VPS8: variants seen among roughly 807,000 people sequenced by gnomAD.
VPS8 encodes VPS8 subunit of CORVET complex, also known as vacuolar protein sorting-associated protein 8 homolog.
A neutral mutation model predicts 216.4 loss-of-function variants in VPS8; 129 were observed. The observed-to-expected ratio is 0.60, with a 90% confidence interval of 0.52 to 0.69. The LOEUF is 0.69. Among genes scored for constraint, VPS8 ranks in the 30% least tolerant of loss-of-function variants. The pLI is 0.00. For synonymous variants in VPS8, 571 were observed against 565.4 expected (o/e 1.01, Z -0.14); for missense variants, 1,531 against 1,683.5 (o/e 0.91, Z 1.59).
rs375561318 is a variant in VPS8, at chr3:184,886,095, A to G, written c.1735-15A>G. ...GGGTTGTGGGGCTGATGCTTTCTTT[A>G]TGGTTCCTCTACAGGATATGGTGCC... On this transcript the variant is annotated splice_polypyrimidine_tract_variant and intron_variant, in intron 21 of 47. Coordinates refer to ENST00000625842, the MANE Select transcript of VPS8 (RefSeq NM_001009921.3). 4 of 1,606,100 alleles carry G rather than the reference A, an allele frequency of 2.5e-6. No homozygotes were observed. The African/African-American group carries it at 5.3e-5, about 21-fold the overall frequency.
intron 10 of VPS8, among the ~76,000 whole-genome samples, chr3:184,850,538 C>T (rs906429210): frequency 1.3e-5 from 2 of 152,098 alleles, no homozygotes; most frequent in Non-Finnish European, 2.9e-5. Context: ...TCTTTCAGGC[C>T]TCTAAAGGGA....
At chr3:184,928,839 G>T (rs1740162568) in intron 32 of VPS8, among the ~76,000 whole-genome samples, 1 of 151,816 alleles carries the variant, frequency 6.6e-6, no homozygotes, top group Non-Finnish European at 1.5e-5. Context: ...ATAAATTGTT[G>T]ATGGTTATCT....
intron 46 of VPS8, among the ~76,000 whole-genome samples, chr3:185,037,067 T>TC (rs961961006): frequency 6.8e-6 from 1 of 147,272 alleles, no homozygotes; most frequent in African/African-American, 2.5e-5. Flanking sequence ...TGCAGTTCCT[T>TC]TTTTTTTTTT....
chr3:184,892,691 G>A (rs1732589066), intron 22 of VPS8, among the ~76,000 whole-genome samples: 1 of 152,124 alleles, frequency 6.6e-6, no homozygotes, highest in East Asian at 1.9e-4. Flanking sequence ...CTTCTGATTG[G>A]TTAAGAAAGA....
rs547544212 is a variant in VPS8 at position 184,881,332 on chromosome 3, G to C, written c.1735-4778G>C. 2.0e-5 allele frequency among the ~76,000 whole-genome samples: 3 copies of C among 152,242 alleles called. No individual in the cohort carries two copies. The South Asian group carries it at 6.2e-4, about 32-fold the overall frequency. On this transcript the variant is annotated intron_variant, in intron 21 of 47. Transcript: ENST00000625842. ...GAGTTAATTTTTACATAAGATATGA[G>C]ACTGAGGTCGAAGTTCCTTTGTGTG...
rs370894353 is a variant in VPS8 at position 184,877,337 on chromosome 3, C to T, written c.1734+6532C>T. Among the ~76,000 whole-genome samples, 146 of 152,206 alleles carry T rather than the reference C, an allele frequency of 9.6e-4. 5 individuals carry two copies. The South Asian group carries it at 0.029, about 30-fold the overall frequency. Reference sequence around the variant, plus strand: ...GAACATGTCTGTTTTTTGTCATTGCCGTATGCCCAGCATCTGGTTCAGTGT... The same window carrying T: ...GAACATGTCTGTTTTTTGTCATTGCTGTATGCCCAGCATCTGGTTCAGTGT... On this transcript the variant is annotated intron_variant, in intron 21 of 47. Transcript: ENST00000625842.
intron 37 of VPS8, among the ~76,000 whole-genome samples, chr3:184,961,000 A>G (rs899487204): frequency 1.3e-5 from 2 of 152,220 alleles, no homozygotes; most frequent in African/African-American, 4.8e-5. Flanking sequence ...AGAAATTGTT[A>G]TCGATCAAGC....
At chr3:184,968,963 T>C (rs537287790) in intron 39 of VPS8, among the ~76,000 whole-genome samples, 102 of 152,338 alleles carry the variant, frequency 6.7e-4, no homozygotes, top group African/African-American at 2.3e-3. Context: ...TAAATCTTTT[T>C]GGAACATCAG....
chr3:184,846,127 G>C (rs545963204), intron 8 of VPS8, among the ~76,000 whole-genome samples: 30 of 152,276 alleles, frequency 2.0e-4, no homozygotes, highest in Middle Eastern at 3.4e-3. Context: ...AACTATCTGT[G>C]GGGTAGGGGT....
At chr3:185,004,697 A>G (rs919931246) in intron 45 of VPS8, among the ~76,000 whole-genome samples, 1 of 151,886 alleles carries the variant, frequency 6.6e-6, no homozygotes, top group Non-Finnish European at 1.5e-5. Context: ...TCCTTTGCCC[A>G]CTTTTTGATG....
In VPS8 at chr3:184,898,648, A is replaced by G. The variant is rs190366583; in HGVS notation, c.2088A>G (p.Pro696=). ...GAGGCATGAATGAATTTATTAGTCC[A>G]ATGGAGGTAAGATACTTCCTAACTT... The part of the protein sequence containing the change: ...YNRGMNEFIS[P]MEKLFRVIAP... The change falls in exon 24 of 48, where the codon CCA becomes CCG. Residue 696 remains proline (P), a synonymous_variant. Coordinates refer to ENST00000625842, the MANE Select transcript of VPS8 (RefSeq NM_001009921.3). 8.4e-6 allele frequency: 13 copies of G among 1,548,630 alleles called. 1 individual carries two copies. The Admixed American group carries it at 2.4e-4, about 29-fold the overall frequency.
intron 10 of VPS8, 36 bp from the exon 11 acceptor site, chr3:184,852,464 A>C: frequency 6.3e-7 from 1 of 1,597,726 alleles, no homozygotes; most frequent in Non-Finnish European, 8.5e-7. Context: ...TGACTGTTTA[A>C]AAATGTACAA....
intron 16 of VPS8, among the ~76,000 whole-genome samples, chr3:184,865,990 A>G (rs1037133112): frequency 6.6e-6 from 1 of 151,646 alleles, no homozygotes; most frequent in African/African-American, 2.4e-5. Context: ...TCCATCTTAA[A>G]AAAAAAAAAA....
rs757052354 is a variant in VPS8 at position 184,866,857 on chromosome 3, A to G, written c.1396-19A>G. On this transcript the variant is annotated intron_variant, in intron 16 of 47. Transcript: ENST00000625842. ...AAAGGAATTTTTTTACCTTTTTTGT[A>G]TGTATGTTTTTCTTCCAGGCTTTGG... is the stretch of plus-strand genomic sequence containing the variant. The G allele has an allele frequency of 1.2e-6, 2 of 1,604,490 alleles. No homozygotes were observed. The highest frequency in any genetic ancestry group is 1.7e-5 in the Admixed American group (1 of 57,894).
chr3:184,957,725 G>A (rs572026164), intron 37 of VPS8, among the ~76,000 whole-genome samples: 1 of 152,326 alleles, frequency 6.6e-6, no homozygotes, highest in East Asian at 1.9e-4. Context: ...CCATCATGTA[G>A]GAGAGACCTC....
chr3:184,924,799 A>ATT (rs11391596), intron 29 of VPS8, 63 bp from the exon 30 acceptor site: 65,521 of 1,226,928 alleles, frequency 0.053, 58 homozygotes, highest in Non-Finnish European at 0.059. Context: ...TTCTAATTGT[A>ATT]TTTTTTTTTT....
Position 184,940,194 on chromosome 3 carries a change from C to A in VPS8, c.2989-3C>A. 6.7e-7 allele frequency: 1 copy of A among 1,489,074 alleles called. No individual in the cohort carries two copies. The highest frequency in any genetic ancestry group is 1.4e-5 in the South Asian group (1 of 73,646). 92.2% of individuals were successfully genotyped at this position (1,489,074 alleles called of 1,614,324 possible). A position where few individuals can be genotyped will look rare whatever the true frequency, so the allele number is the denominator to read the frequency against. On this transcript the variant is annotated splice_polypyrimidine_tract_variant and splice_region_variant and intron_variant, in intron 35 of 47. Coordinates refer to ENST00000625842, the MANE Select transcript of VPS8 (RefSeq NM_001009921.3). ...TTGTAATTTTTATTGTTTTTCTGTT[C>A]AGAACCAGGTTTTGCTTTTCAAATT... is the stretch of plus-strand genomic sequence containing the variant.
intron 8 of VPS8, among the ~76,000 whole-genome samples, chr3:184,843,767 A>T (rs1424458790): frequency 6.6e-6 from 1 of 152,230 alleles, no homozygotes; most frequent in Non-Finnish European, 1.5e-5. Flanking sequence ...TTTCTAAATC[A>T]TCCCATTTAA....
In VPS8 at chr3:184,920,148, G is replaced by T; in HGVS notation, c.2404G>T (p.Asp802Tyr). 6.6e-7 allele frequency: 1 copy of T among 1,524,682 alleles called. No individual in the cohort carries two copies. Among genetic ancestry groups the T allele is most frequent in the South Asian group, 1.3e-5 (1 of 76,840 alleles). 94.4% of individuals were successfully genotyped at this position (1,524,682 alleles called of 1,614,324 possible). The change falls in exon 29 of 48, where the codon GAC (aspartate) becomes TAC (tyrosine). Residue 802 changes from aspartate to tyrosine, a missense_variant. This residue lies in a region of VPS8 where 1,318 missense variants were observed against 1,468.4 expected (regional missense o/e 0.90). Coordinates refer to ENST00000625842, the MANE Select transcript of VPS8 (RefSeq NM_001009921.3). ...TTAGACTTTTGAAGATTTTAAAAAT[G>T]ACAAGCAAGCTGTGGAATATCAACA... ...LALTFEDFKN[D>Y]KQAVEYQQRI...
Sources: allele counts gnomAD v4.1 joint callset (sites outside exome capture counted in the v4.1 genomes callset), GRCh38; gene constraint gnomAD v4.1.1; regional missense constraint gnomAD v4.1.1; transcripts MANE v1.5; gene names NCBI Gene and HGNC (gene_info 2026-07-23, HGNC 2026-07-21).